RXFP1: variants seen among roughly 807,000 people sequenced by gnomAD.
RXFP1 encodes the protein relaxin receptor 1.
A neutral mutation model predicts 89.8 loss-of-function variants in RXFP1; 73 were observed. The ratio of observed to expected loss-of-function variants is 0.81; its 90% CI spans 0.67 to 0.99. RXFP1 has a LOEUF of 0.99. Ranked by LOEUF, RXFP1 falls within the 50% of genes least tolerant of loss-of-function variation. The pLI is 0.00. For missense variants in RXFP1, 793 were observed against 895.5 expected (o/e 0.89, Z 1.46); for synonymous variants, 277 against 305.5 (o/e 0.91, Z 0.97).
At chr4:158,605,884 T>G (rs1178133945) in intron 5 of RXFP1, among the ~76,000 whole-genome samples, 1 of 152,162 alleles carries the variant, frequency 6.6e-6, no homozygotes, top group Admixed American at 6.5e-5. Context: ...TTATTTTGGT[T>G]TTACAATAGG....
intron 1 of RXFP1, chr4:158,543,802 G>T: frequency 3.0e-6 from 3 of 984,818 alleles, no homozygotes; most frequent in Non-Finnish European, 3.6e-6. Flanking sequence ...ACAACAGCTG[G>T]TACTGCCTCT....
At chr4:158,639,035 T>C (rs536609978) in intron 13 of RXFP1, among the ~76,000 whole-genome samples, 1 of 152,242 alleles carries the variant, frequency 6.6e-6, no homozygotes, top group African/African-American at 2.4e-5. Flanking sequence ...TGTGCCATGA[T>C]CTGTGAGGAT....
intron 1 of RXFP1, among the ~76,000 whole-genome samples, chr4:158,553,546 C>T (rs1229753707): frequency 1.3e-5 from 2 of 152,052 alleles, no homozygotes; most frequent in Non-Finnish European, 2.9e-5. Flanking sequence ...GAGGGTGACC[C>T]GTGGAGAGAT....
Position 158,647,099 on chromosome 4 carries a change from T to C in RXFP1, c.1654T>C (p.Phe552Leu). Residue 552 changes from phenylalanine (F) to leucine (L), a missense_variant, in exon 16 of 18, where the codon TTT becomes CTT. Physicochemically the swap from Phe to Leu is conservative, Grantham distance 22 (BLOSUM62 0). Transcript: ENST00000307765. ...TTTCATTCCATTGAGCAATAAGGAA[T>C]TTTTCAAAAACTACTATGGCACCAA... Reference protein sequence around the residue: ...VAFIPLSNKEFFKNYYGTNGV... With the variant: ...VAFIPLSNKELFKNYYGTNGV... 1 of 1,614,138 alleles carries C rather than the reference T, an allele frequency of 6.2e-7. No individual in the cohort carries two copies. The highest frequency in any genetic ancestry group is 8.5e-7 in the Non-Finnish European group (1 of 1,180,012).
intron 6 of RXFP1, among the ~76,000 whole-genome samples, chr4:158,608,751 T>TTTTATTTGAA (rs1763010480): frequency 6.6e-6 from 1 of 152,206 alleles, no homozygotes; most frequent in Non-Finnish European, 1.5e-5. Flanking sequence ...CAACTGAAAC[T>TTTTATTTGAA]CCATATTTGT....
intron 17 of RXFP1, among the ~76,000 whole-genome samples, chr4:158,649,246 A>G (rs1772155951): frequency 6.6e-6 from 1 of 152,242 alleles, no homozygotes; most frequent in Non-Finnish European, 1.5e-5. Flanking sequence ...AGAAGCAATG[A>G]GTGACCAAAA....
In RXFP1 at chr4:158,522,021, AT is replaced by A; in HGVS notation, c.46del (p.Tyr16IlefsTer67). ...TCTTCTACATCTTAATTTTTGGAAA[AT>A]ATTGTAAGTATGCTCAGTATCTAAT... ...VFFYILIFGK[Y>X]FSHGGGQDVK... On this transcript the variant is annotated frameshift_variant, in exon 1 of 18. Transcript: ENST00000307765. LOFTEE classifies it high-confidence loss of function. 6.3e-7 allele frequency: 1 copy of A among 1,581,364 alleles called. No homozygotes were observed. The highest frequency in any genetic ancestry group is 2.2e-5 in the East Asian group (1 of 44,614).
At chr4:158,619,810 C>T (rs1410949861) in intron 9 of RXFP1, among the ~76,000 whole-genome samples, 2 of 151,998 alleles carry the variant, frequency 1.3e-5, no homozygotes, top group East Asian at 1.9e-4. Context: ...GCATTCTGCC[C>T]CAGGGTACCA....
At chr4:158,632,631 C>T (rs1768288144) in intron 11 of RXFP1, among the ~76,000 whole-genome samples, 1 of 152,028 alleles carries the variant, frequency 6.6e-6, no homozygotes, top group Non-Finnish European at 1.5e-5. Flanking sequence ...TTAAGCAGAC[C>T]CTCTACACAT....
chr4:158,549,515 A>C (rs939895256), intron 1 of RXFP1, among the ~76,000 whole-genome samples: 2 of 152,008 alleles, frequency 1.3e-5, no homozygotes, highest in African/African-American at 4.8e-5. Flanking sequence ...CCTTTGGAGG[A>C]GGAGAGGCGC....
At chr4:158,644,375 T>G (rs956958659) in intron 14 of RXFP1, among the ~76,000 whole-genome samples, 11 of 152,192 alleles carry the variant, frequency 7.2e-5, no homozygotes. Flanking sequence ...AAATATCTGT[T>G]CAGATCATTT....
chr4:158,627,949 T>G (rs1334548113), intron 10 of RXFP1, among the ~76,000 whole-genome samples: 1 of 152,184 alleles, frequency 6.6e-6, no homozygotes, highest in African/African-American at 2.4e-5. Flanking sequence ...TCTTGGCAGG[T>G]GTTGTGCTTT....
intron 1 of RXFP1, among the ~76,000 whole-genome samples, chr4:158,548,177 T>C (rs1749044377): frequency 6.6e-6 from 1 of 152,258 alleles, no homozygotes; most frequent in Non-Finnish European, 1.5e-5. Flanking sequence ...GCTCTTATTG[T>C]TGAATTGATC....
chr4:158,576,411 G>T (rs980396941), intron 2 of RXFP1, among the ~76,000 whole-genome samples: 1 of 151,212 alleles, frequency 6.6e-6, no homozygotes, highest in East Asian at 1.9e-4. Flanking sequence ...TTTTAAAAAA[G>T]AAAAAATAAT....
intron 2 of RXFP1, among the ~76,000 whole-genome samples, chr4:158,574,898 AAC>A (rs1298809491): frequency 6.6e-6 from 1 of 152,122 alleles, no homozygotes; most frequent in African/African-American, 2.4e-5. Flanking sequence ...ATTTAAAAAA[AAC>A]AACGTCTTGT....
chr4:158,542,794 A>G (rs138331832), intron 1 of RXFP1, among the ~76,000 whole-genome samples: 223 of 152,234 alleles, frequency 1.5e-3, no homozygotes, highest in African/African-American at 5.3e-3. Flanking sequence ...CTGTATTGCT[A>G]TTTTCATCAG....
At chr4:158,614,143 C>T (rs1411933706) in intron 8 of RXFP1, among the ~76,000 whole-genome samples, 2 of 152,042 alleles carry the variant, frequency 1.3e-5, no homozygotes, top group African/African-American at 4.8e-5. Flanking sequence ...GTGCTGTCAC[C>T]CAGGCTTTGT....
At chr4:158,589,684 T>C (rs1759037309) in intron 2 of RXFP1, among the ~76,000 whole-genome samples, 1 of 152,196 alleles carries the variant, frequency 6.6e-6, no homozygotes, top group Admixed American at 6.5e-5. Flanking sequence ...TGGTCATATT[T>C]GACTGAACAC....
intron 1 of RXFP1, among the ~76,000 whole-genome samples, chr4:158,532,393 A>G (rs1335472226): frequency 6.6e-6 from 1 of 152,136 alleles, no homozygotes; most frequent in Non-Finnish European, 1.5e-5. Flanking sequence ...ATAAACATAT[A>G]TATGAGTGGA....
Sources: gnomAD v4.1 joint callset for allele counts (sites outside exome capture counted in the v4.1 genomes callset) on GRCh38, gnomAD v4.1.1 for gene constraint, MANE v1.5 for transcripts, NCBI Gene and HGNC (gene_info 2026-07-23, HGNC 2026-07-21) for gene names.